C1orf94: variants seen among roughly 807,000 people sequenced by gnomAD.
C1orf94 encodes the protein uncharacterized protein C1orf94.
In C1orf94, 45 loss-of-function variants were observed where a neutral mutation model predicts 53.6. The observed-to-expected ratio is 0.84, with a 90% CI of 0.66 to 1.08. The LOEUF is 1.08. Among genes scored for constraint, C1orf94 ranks in the 50% least tolerant of loss-of-function variants. The pLI is 0.00. For synonymous variants in C1orf94, 304 were observed against 296.1 expected, an observed-to-expected ratio of 1.03 and a Z score of -0.27; for missense variants, 762 against 738.9, an observed-to-expected ratio of 1.03 and a Z score of -0.36.
At chr1:34,204,712 C>T (rs1309206628) in intron 4 of C1orf94, among the ~76,000 whole-genome samples, 1 of 152,122 alleles carries the variant, frequency 6.6e-6, no homozygotes, top group African/African-American at 2.4e-5. Context: ...AGAGGCTGAG[C>T]ATTGTTCTAG....
chr1:34,191,667 T>G (rs917400911), intron 1 of C1orf94, among the ~76,000 whole-genome samples: 3 of 152,130 alleles, frequency 2.0e-5, no homozygotes, highest in Non-Finnish European at 4.4e-5. Context: ...GGTCTAAAAT[T>G]TCATAGCTGG....
intron 5 of C1orf94, among the ~76,000 whole-genome samples, chr1:34,211,340 G>A (rs1341913516): frequency 6.6e-6 from 1 of 152,084 alleles, no homozygotes; most frequent in East Asian, 1.9e-4. Flanking sequence ...CTGTGTCCCA[G>A]GCACTGTCTT....
At position 34,202,322 on chromosome 1, in the gene C1orf94, T is replaced by C. The variant is rs1642724944; in HGVS notation, c.1446+63T>C. 3 of 1,552,120 alleles carry C rather than the reference T, an allele frequency of 1.9e-6. No individual in the cohort carries two copies. The South Asian group carries it at 3.6e-5, about 19-fold the overall frequency. ...GGGGGTTTTGGCCACAGAGAAGGAG[T>C]GGCTGGCAGGGGGTCTATTTCACAG... On this transcript the variant is annotated intron_variant, in intron 4 of 6. Transcript: ENST00000488417.
intron 6 of C1orf94, among the ~76,000 whole-genome samples, chr1:34,213,775 A>G (rs747809198): frequency 3.3e-5 from 5 of 152,126 alleles, no homozygotes; most frequent in Non-Finnish European, 7.3e-5. Context: ...TCCTGACCTC[A>G]GGTCATCTGC....
At chr1:34,195,784 G>A (rs986127945) in intron 1 of C1orf94, among the ~76,000 whole-genome samples, 1 of 94,090 alleles carries the variant, frequency 1.1e-5, no homozygotes, top group Non-Finnish European at 2.4e-5. Context: ...TCGTGGGTGT[G>A]TGTGTGTGTG....
chr1:34,215,624 G>A (rs1463883714), intron 6 of C1orf94, among the ~76,000 whole-genome samples: 4 of 152,158 alleles, frequency 2.6e-5, no homozygotes, highest in African/African-American at 9.7e-5. Context: ...CGTGATGATG[G>A]TTGAATGTGT....
intron 6 of C1orf94, among the ~76,000 whole-genome samples, chr1:34,213,550 A>AT (rs1642932357): frequency 6.6e-6 from 1 of 151,652 alleles, no homozygotes; most frequent in African/African-American, 2.4e-5. Context: ...TATTATTATT[A>AT]TTTTTTTGAG....
chr1:34,210,369 T>A (rs1276837615), intron 5 of C1orf94, among the ~76,000 whole-genome samples: 1 of 152,142 alleles, frequency 6.6e-6, no homozygotes, highest in Non-Finnish European at 1.5e-5. Flanking sequence ...TGGAGAACAT[T>A]GGGGAAGACC....
intron 1 of C1orf94, among the ~76,000 whole-genome samples, chr1:34,192,647 G>T (rs1291220858): frequency 6.6e-6 from 1 of 152,116 alleles, no homozygotes; most frequent in Non-Finnish European, 1.5e-5. Context: ...ATTAGGTGAT[G>T]GTACAAACGC....
chr1:34,218,390 T>TA (rs750785702), intron 6 of C1orf94, among the ~76,000 whole-genome samples: 1 of 152,184 alleles, frequency 6.6e-6, no homozygotes, highest in African/African-American at 2.4e-5. Flanking sequence ...GTCCCTGTTC[T>TA]ATGGGTCTTG....
intron 4 of C1orf94, among the ~76,000 whole-genome samples, chr1:34,206,058 T>G (rs774129332): frequency 6.6e-6 from 1 of 152,202 alleles, no homozygotes. Flanking sequence ...CACCATCTCC[T>G]GAGAATCCGC....
In C1orf94 at chr1:34,197,625, TC is replaced by T; in HGVS notation, c.724del (p.Gln242SerfsTer4). On this transcript the variant is annotated frameshift_variant, in exon 2 of 7. Coordinates refer to ENST00000488417, the MANE Select transcript of C1orf94 (RefSeq NM_001134734.2). LOFTEE classifies it high-confidence loss of function. The surrounding 1 kb of genome is among the most constrained non-coding windows in gnomAD (Gnocchi z 4.1). ...DSNLQVSKLLSQFPLKSTETS... is the reference protein window; with the variant it reads ...DSNLQVSKLLXQFPLKSTETS... The stretch of plus-strand genomic sequence containing the variant: ...CAACTTGCAAGTCAGCAAGCTTCTG[TC>T]CCAGTTCCCACTGAAGTCCACTGAG... The T allele has an allele frequency of 6.2e-7, 1 of 1,614,104 alleles. No homozygotes were observed. The highest frequency in any genetic ancestry group is 2.2e-5 in the East Asian group (1 of 44,866).
Position 34,177,183 on chromosome 1 carries a change from G to A in C1orf94, c.-607G>A, listed in dbSNP as rs545946409. 3.6e-4 allele frequency among the ~76,000 whole-genome samples: 55 copies of A among 152,210 alleles called. No homozygotes were observed. Among genetic ancestry groups the A allele is most frequent in the Non-Finnish European group, 7.3e-4 (50 of 68,034 alleles). ...TTTCCGGGGGCAGCAGAGCAGCAGC[G>A]GGAGACCGGGAGCAGGAGGGGTAGG... is the stretch of plus-strand genomic sequence containing the variant. On this transcript the variant is annotated 5_prime_UTR_variant, in exon 1 of 7. Transcript: ENST00000488417.
At chr1:34,186,644 C>G (rs1371120306) in intron 1 of C1orf94, among the ~76,000 whole-genome samples, 2 of 152,200 alleles carry the variant, frequency 1.3e-5, no homozygotes, top group Non-Finnish European at 2.9e-5. Context: ...CTGAGAGCTA[C>G]ATGGGATAGA....
chr1:34,198,211 G>C (rs1478929), intron 2 of C1orf94, among the ~76,000 whole-genome samples: 1 of 152,154 alleles, frequency 6.6e-6, no homozygotes, highest in African/African-American at 2.4e-5. Flanking sequence ...GAATCAAACG[G>C]GTGTCCAGAG....
At chr1:34,190,112 G>A (rs753315) in intron 1 of C1orf94, among the ~76,000 whole-genome samples, 20,613 of 152,138 alleles carry the variant, frequency 0.14, 1,946 homozygotes, top group African/African-American at 0.27. Context: ...CTCTTTCTCA[G>A]TTGGAAAGGA....
chr1:34,179,001 T>A (rs74741649), intron 1 of C1orf94, among the ~76,000 whole-genome samples: 5,768 of 152,256 alleles, frequency 0.038, 332 homozygotes, highest in East Asian at 0.29. Context: ...GACTAACCGA[T>A]AATTAAGTGT....
At chr1:34,201,121 G>C in intron 3 of C1orf94, 89 bp downstream of exon 3, 1 of 1,496,288 alleles carries the variant, frequency 6.7e-7, no homozygotes, top group Non-Finnish European at 9.0e-7. Flanking sequence ...CCAAGTGGCT[G>C]TCTTATCTAC....
intron 6 of C1orf94, among the ~76,000 whole-genome samples, chr1:34,213,714 T>A (rs1432095226): frequency 6.6e-6 from 1 of 152,062 alleles, no homozygotes; most frequent in African/African-American, 2.4e-5. Context: ...CTAATTTTTG[T>A]ATTTTTAGTA....
Sources: gnomAD v4.1 joint callset for allele counts (sites outside exome capture counted in the v4.1 genomes callset) on GRCh38, gnomAD v4.1.1 for gene constraint, Gnocchi (gnomAD v3.1) non-coding constraint, MANE v1.5 for transcripts, NCBI Gene and HGNC (gene_info 2026-07-23, HGNC 2026-07-21) for gene names.